The following MYOM1 variants were observed in gnomAD, a reference collection of about 807,000 sequenced individuals.
MYOM1 encodes the protein myomesin-1.
In MYOM1, 164 loss-of-function variants were observed where a neutral mutation model predicts 205.3. The observed-to-expected ratio is 0.80, with a 90% CI of 0.70 to 0.91. MYOM1 has a LOEUF of 0.91. Among genes scored for constraint, MYOM1 ranks in the 40% least tolerant of loss-of-function variants. The pLI is 0.00. For synonymous variants in MYOM1, 772 were observed against 789.4 expected (o/e 0.98, Z 0.37); for missense variants, 2,011 against 2,127.3 (o/e 0.95, Z 1.08).
intron 34 of MYOM1, among the ~76,000 whole-genome samples, chr18:3,078,119 G>A (rs2079041350): frequency 6.6e-6 from 1 of 151,470 alleles, no homozygotes. Context: ...TCAAATCACT[G>A]CAACCTCCGC....
At position 3,089,551 on chromosome 18, in the gene MYOM1, C is replaced by T. The variant is rs888501700; in HGVS notation, c.4055G>A (p.Trp1352Ter). The T allele has an allele frequency of 6.2e-7, 1 of 1,607,450 alleles. No homozygotes were observed. The highest frequency in any genetic ancestry group is 8.5e-7 in the Non-Finnish European group (1 of 1,176,960). ...CCTATTTTTACCTTGTTTCCTGATC[C>T]ATTCTTGCCGCTGGAATTCAGCTTC... ...QKEAEFQRQE[W>*]IRKQGPHFVE... Residue 1352 changes from tryptophan to a stop codon, truncating the protein, a stop_gained, in exon 28 of 38, where the codon TGG becomes TAG. Coordinates refer to ENST00000356443, the MANE Select transcript of MYOM1 (RefSeq NM_003803.4). LOFTEE classifies it high-confidence loss of function.
Position 3,089,679 on chromosome 18 carries a change from A to G in MYOM1, c.4010-83T>C, listed in dbSNP as rs55715846. On this transcript the variant is annotated intron_variant, in intron 27 of 37. Transcript: ENST00000356443. The stretch of plus-strand genomic sequence containing the variant: ...TCAGCCACTGCACTAAGTGATTTAT[A>G]TTCATTATTGTAACACTCATACATT... 6.7e-3 allele frequency: 7,112 copies of G among 1,066,872 alleles called. 32 individuals carry two copies. Among genetic ancestry groups the G allele is most frequent in the Non-Finnish European group, 7.7e-3 (5,672 of 733,688 alleles). The allele number at this position is 1,066,872 out of a possible 1,614,324, so 66.1% of individuals were successfully genotyped here. A position where few individuals can be genotyped will look rare whatever the true frequency, so the allele number is the denominator to read the frequency against.
At chr18:3,226,896 T>G in the MYOM1 span, among the ~76,000 whole-genome samples, 1 of 152,156 alleles carries the variant, frequency 6.6e-6, no homozygotes. This position sits in a 1 kb window ranked among gnomAD's most constrained non-coding sequence, Gnocchi z 4.6. Flanking sequence ...TGGCCAGGGA[T>G]CAGCTGTTCA....
Position 3,208,884 on chromosome 18 carries a change from C to T in MYOM1, c.290+6050G>A, listed in dbSNP as rs976936636. Among the ~76,000 whole-genome samples, 23 of 152,336 alleles carry T rather than the reference C, an allele frequency of 1.5e-4. No individual in the cohort carries two copies. The East Asian group carries it at 4.3e-3, about 28-fold the overall frequency. ...GGCTCCAGCAATCCTCCTGCCTTGG[C>T]CTCCTCAAGTGTTGGGATTACAGGC... is the stretch of plus-strand genomic sequence containing the variant. On this transcript the variant is annotated intron_variant, in intron 2 of 37. Coordinates refer to ENST00000356443, the MANE Select transcript of MYOM1 (RefSeq NM_003803.4).
intron 9 of MYOM1, among the ~76,000 whole-genome samples, chr18:3,166,268 T>TA (rs55747026): frequency 0.099 from 13,783 of 139,776 alleles, 1,461 homozygotes; most frequent in African/African-American, 0.27. Context: ...CAAGTCTTTT[T>TA]TTTTTTTTTT....
chr18:3,177,768 C>T (rs144055291), intron 5 of MYOM1, among the ~76,000 whole-genome samples: 244 of 152,204 alleles, frequency 1.6e-3, no homozygotes, highest in African/African-American at 5.5e-3. Flanking sequence ...CCACTATGCT[C>T]GGCCTGCAAT....
intron 13 of MYOM1, among the ~76,000 whole-genome samples, chr18:3,146,380 T>C (rs1449577713): frequency 2.6e-5 from 4 of 152,078 alleles, no homozygotes; most frequent in Non-Finnish European, 4.4e-5. Flanking sequence ...CAGCAATGTA[T>C]AAAAAGGATA....
intron 10 of MYOM1, 91 bp from the exon 11 acceptor site, chr18:3,155,179 T>C (rs746212514): frequency 1.2e-5 from 15 of 1,265,244 alleles, no homozygotes; most frequent in African/African-American, 1.5e-5. Flanking sequence ...TACCACATCA[T>C]CACAGTGGCT....
chr18:3,180,364 T>C (rs1473688293), intron 5 of MYOM1, among the ~76,000 whole-genome samples: 1 of 152,152 alleles, frequency 6.6e-6, no homozygotes, highest in East Asian at 1.9e-4. Context: ...CAGATACCAA[T>C]GTGAGAAATT....
chr18:3,135,029 G>GC lies in MYOM1; in HGVS notation c.2210-206dup. 1 of 507,840 alleles carries GC rather than the reference G, an allele frequency of 2.0e-6. No individual in the cohort carries two copies. The highest frequency in any genetic ancestry group is 3.2e-5 in the Admixed American group (1 of 30,820). 31.5% of individuals were successfully genotyped at this position (507,840 alleles called of 1,614,324 possible). A position where few individuals can be genotyped will look rare whatever the true frequency, so the allele number is the denominator to read the frequency against. On this transcript the variant is annotated intron_variant, in intron 15 of 37. Coordinates refer to ENST00000356443, the MANE Select transcript of MYOM1 (RefSeq NM_003803.4). This position sits in a 1 kb window ranked among gnomAD's most constrained non-coding sequence, Gnocchi z 4.1. Reference sequence around the variant, plus strand: ...AGTGGCGGGATCTCGGCTCACTGCAGCCCCCACCTCCTGGGTTCAGGCAAT... The same window carrying GC: ...AGTGGCGGGATCTCGGCTCACTGCAGCCCCCCACCTCCTGGGTTCAGGCAAT...
rs781109917 is a variant in MYOM1 at position 3,102,603 on chromosome 18, T to C, written c.3446A>G (p.Asp1149Gly). Reference sequence around the variant, plus strand: ...GTTCAATGAAATGACTCCATCATCATCCACATTTACAACAACCTCTTTGGT... The same window carrying C: ...GTTCAATGAAATGACTCCATCATCACCCACATTTACAACAACCTCTTTGGT... ...PGTKEVVVNVDDDGVISLNFE... is the reference protein window; with the variant it reads ...PGTKEVVVNVGDDGVISLNFE... Residue 1149 changes from aspartate to glycine, a missense_variant, in exon 23 of 38, where the codon GAT becomes GGT. By Grantham distance (94) the Asp-to-Gly change is moderately conservative. Transcript: ENST00000356443. 6 of 1,613,776 alleles carry C rather than the reference T, an allele frequency of 3.7e-6. No homozygotes were observed. The South Asian group carries it at 4.4e-5, about 12-fold the overall frequency.
At position 3,215,550 on chromosome 18, in the gene MYOM1, C is replaced by T. The variant is rs554953657; in HGVS notation, c.-28-299G>A. ...CCCAAGACTTCGAGGCTGCAGGGAG[C>T]TATGATTGACCATTGCACTCAGCTT... is the stretch of plus-strand genomic sequence containing the variant. On this transcript the variant is annotated intron_variant, in intron 1 of 37. Transcript: ENST00000356443. Among the ~76,000 whole-genome samples the T allele has an allele frequency of 1.6e-4, 25 of 152,172 alleles. No homozygotes were observed. The South Asian group carries it at 5.0e-3, about 30-fold the overall frequency.
At chr18:3,228,695 C>A in the MYOM1 span, among the ~76,000 whole-genome samples, 96 of 152,274 alleles carry the variant, frequency 6.3e-4, no homozygotes, top group Middle Eastern at 0.01. The surrounding 1 kb of genome is among the most constrained non-coding windows in gnomAD (Gnocchi z 4.5). Flanking sequence ...GCAACCATCA[C>A]CAAAATCCAG....
rs373995718 is a variant in MYOM1, at chr18:3,173,974, G to A, written c.1138C>T (p.Arg380Cys). 1.4e-5 allele frequency: 23 copies of A among 1,613,328 alleles called. No homozygotes were observed. The Admixed American group carries it at 3.0e-4, about 21-fold the overall frequency. The stretch of plus-strand genomic sequence containing the variant: ...ATGGTGGAAGCCCCAGCGTGGAAGC[G>A]AGTCTCATCAAACTCTCCCTTATAC... ...KRYKGEFDETRFHAGASTMPL... is the reference protein window; with the variant it reads ...KRYKGEFDETCFHAGASTMPL... The change falls in exon 8 of 38, where the codon CGC becomes TGC. Residue 380 changes from arginine to cysteine, a missense_variant. By Grantham distance (180) the Arg-to-Cys change is radical. Coordinates refer to ENST00000356443, the MANE Select transcript of MYOM1 (RefSeq NM_003803.4).
At chr18:3,104,298 C>A (rs1236729434) in intron 22 of MYOM1, among the ~76,000 whole-genome samples, 1 of 152,142 alleles carries the variant, frequency 6.6e-6, no homozygotes, top group Non-Finnish European at 1.5e-5. Context: ...TTTTGTATAT[C>A]TGTATTGTTA....
chr18:3,129,513 C>T lies in MYOM1; in HGVS notation c.2513G>A (p.Gly838Glu), dbSNP rs2143879947. 1 of 1,608,164 alleles carries T rather than the reference C, an allele frequency of 6.2e-7. No individual in the cohort carries two copies. The highest frequency in any genetic ancestry group is 1.7e-5 in the Admixed American group (1 of 59,634). The change falls in exon 18 of 38, where the codon GGA becomes GAA. Residue 838 changes from glycine to glutamate, a missense_variant. By Grantham distance (98) the Gly-to-Glu change is moderately conservative (BLOSUM62 -2). Coordinates refer to ENST00000356443, the MANE Select transcript of MYOM1 (RefSeq NM_003803.4). The stretch of plus-strand genomic sequence containing the variant: ...TGCGGGACACACATCTGGAGACACT[C>T]CTCCCCCTACAGTTGCCAGACAACA... ...AIEVKAAIGG[G>E]VSPDVCPALS... is the part of the protein sequence containing the mutation.
intron 33 of MYOM1, among the ~76,000 whole-genome samples, chr18:3,080,988 C>T (rs2079078888): frequency 6.6e-6 from 1 of 151,838 alleles, no homozygotes; most frequent in Non-Finnish European, 1.5e-5. Context: ...AAAAATTAGC[C>T]AGGCATGGTG....
At chr18:3,142,191 C>G (rs186493697) in intron 13 of MYOM1, 128 bp from the exon 14 acceptor site, 26 of 1,125,882 alleles carry the variant, frequency 2.3e-5, no homozygotes, top group Non-Finnish European at 3.2e-5. Context: ...GAAGTACCTT[C>G]TCTCTAAAAT....
chr18:3,136,903 C>A (rs922257213), intron 14 of MYOM1, among the ~76,000 whole-genome samples: 1 of 151,992 alleles, frequency 6.6e-6, no homozygotes, highest in Non-Finnish European at 1.5e-5. Context: ...CATAGAATTC[C>A]ATCTGGCAAA....
Sources: gnomAD v4.1 joint callset for allele counts (sites outside exome capture counted in the v4.1 genomes callset) on GRCh38, gnomAD v4.1.1 for gene constraint, Gnocchi (gnomAD v3.1) non-coding constraint, MANE v1.5 for transcripts, NCBI Gene and HGNC (gene_info 2026-07-23, HGNC 2026-07-21) for gene names.